KCNMA1: variants seen among roughly 807,000 people sequenced by gnomAD.
The protein encoded by KCNMA1 is potassium calcium-activated channel subfamily M alpha 1, also known as Calcium-activated potassium channel subunit alpha-1.
KCNMA1 carries 29 observed loss-of-function variants against 140.0 expected under a neutral mutation model. The observed-to-expected ratio is 0.21, with a 90% confidence interval of 0.15 to 0.28. The LOEUF (loss-of-function observed/expected upper bound fraction) is 0.28. Among genes scored for constraint, KCNMA1 ranks in the 10% least tolerant of loss-of-function variants. The probability of loss-of-function intolerance (pLI) is 1.00; values close to 1 mark genes in which losing one functional copy is unlikely to be tolerated. For missense variants in KCNMA1, 880 were observed against 1,602.2 expected (o/e 0.55, Z 7.70); for synonymous variants, 612 against 611.9 (o/e 1.00, Z 0.00).
intron 5 of KCNMA1, among the ~76,000 whole-genome samples, chr10:77,181,169 G>T (rs1343636400): frequency 1.3e-5 from 2 of 152,180 alleles, no homozygotes; most frequent in Admixed American, 6.5e-5. Flanking sequence ...GATTCATGAA[G>T]TGTGAGGACT....
At chr10:77,098,504 G>A in intron 9 of KCNMA1, among the ~76,000 whole-genome samples, 1 of 151,622 alleles carries the variant, frequency 6.6e-6, no homozygotes, top group East Asian at 1.9e-4. Context: ...CTGCATCTCT[G>A]GTTCTTTTCT....
At chr10:77,409,813 T>C (rs990796892) in intron 1 of KCNMA1, among the ~76,000 whole-genome samples, 1 of 152,124 alleles carries the variant, frequency 6.6e-6, no homozygotes, top group Non-Finnish European at 1.5e-5. Context: ...GGAAGAACTA[T>C]GAAAATCAAA....
chr10:77,618,222 C>T (rs1318275806), intron 1 of KCNMA1, among the ~76,000 whole-genome samples: 7 of 152,212 alleles, frequency 4.6e-5, no homozygotes, highest in African/African-American at 1.7e-4. Context: ...GCACCCTCCA[C>T]ACACACCATC....
intron 5 of KCNMA1, among the ~76,000 whole-genome samples, chr10:77,122,431 C>G (rs1028007905): frequency 6.6e-6 from 1 of 151,888 alleles, no homozygotes; most frequent in Non-Finnish European, 1.5e-5. Flanking sequence ...AAAAGGCTCA[C>G]GGCCAAAAGC....
Position 76,885,872 on chromosome 10 carries a change from A to G in KCNMA1, c.*1394T>C, listed in dbSNP as rs2036666642. On this transcript the variant is annotated 3_prime_UTR_variant, in exon 28 of 28. Coordinates refer to ENST00000286628, the MANE Select transcript of KCNMA1 (RefSeq NM_001161352.2). The stretch of plus-strand genomic sequence containing the variant: ...AAAACAAAAGAAGAAAAAAATAACT[A>G]TACCAAAATGTGTTTGGCTCACTGT... The G allele has an allele frequency of 1.0e-6, 1 of 985,186 alleles. No individual in the cohort carries two copies. Among genetic ancestry groups the G allele is most frequent in the Non-Finnish European group, 1.2e-6 (1 of 829,678 alleles). The allele number at this position is 985,186 out of a possible 1,614,324, so 61.0% of individuals were successfully genotyped here. A position where few individuals can be genotyped will look rare whatever the true frequency, so the allele number is the denominator to read the frequency against.
chr10:77,285,692 C>A (rs201903735), intron 2 of KCNMA1, among the ~76,000 whole-genome samples: 3 of 152,036 alleles, frequency 2.0e-5, no homozygotes, highest in African/African-American at 7.2e-5. Context: ...TGGGTGTTAC[C>A]ACATGGCATA....
chr10:77,121,375 A>AG (rs2097589051), intron 5 of KCNMA1, among the ~76,000 whole-genome samples: 1 of 152,242 alleles, frequency 6.6e-6, no homozygotes, highest in Non-Finnish European at 1.5e-5. Context: ...GTTATCTGGC[A>AG]GGATTTTGTC....
chr10:77,317,109 C>A (rs2154350861), intron 2 of KCNMA1, among the ~76,000 whole-genome samples: 1 of 152,278 alleles, frequency 6.6e-6, no homozygotes, highest in Admixed American at 6.5e-5. Flanking sequence ...AGTGCCTTCC[C>A]AATCACCCCC....
chr10:77,575,353 C>T (rs564472648), intron 1 of KCNMA1, among the ~76,000 whole-genome samples: 1 of 152,296 alleles, frequency 6.6e-6, no homozygotes, highest in East Asian at 1.9e-4. Context: ...TAGCGATTTC[C>T]TTTTCCAGAG....
intron 3 of KCNMA1, among the ~76,000 whole-genome samples, chr10:77,216,239 G>T (rs937489205): frequency 6.6e-6 from 1 of 152,096 alleles, no homozygotes; most frequent in Non-Finnish European, 1.5e-5. Flanking sequence ...TCTTTCGGGG[G>T]TGTTGAAAAT....
At chr10:77,310,394 C>T (rs2078970214) in intron 2 of KCNMA1, among the ~76,000 whole-genome samples, 1 of 152,150 alleles carries the variant, frequency 6.6e-6, no homozygotes, top group Admixed American at 6.5e-5. Context: ...CTAGTCAGCC[C>T]AAAGCCACAC....
chr10:77,383,803 C>T (rs568418279), intron 2 of KCNMA1, among the ~76,000 whole-genome samples: 2 of 152,274 alleles, frequency 1.3e-5, no homozygotes, highest in East Asian at 3.9e-4. Context: ...AAGCGATTCT[C>T]CTGCCTCACC....
intron 15 of KCNMA1, chr10:77,039,284 T>C: frequency 1.7e-6 from 1 of 583,666 alleles, no homozygotes; most frequent in East Asian, 2.9e-5. Flanking sequence ...TAAGTTAGCA[T>C]AAATGATGAA....
At chr10:77,212,302 G>A (rs867576404) in intron 3 of KCNMA1, among the ~76,000 whole-genome samples, 56 of 152,164 alleles carry the variant, frequency 3.7e-4, no homozygotes, top group Admixed American at 1.2e-3. Context: ...TTGTGGTAAC[G>A]GGAATGGAGC....
intron 10 of KCNMA1, among the ~76,000 whole-genome samples, chr10:77,089,099 G>T (rs924299305): frequency 6.6e-6 from 1 of 152,178 alleles, no homozygotes; most frequent in African/African-American, 2.4e-5. Context: ...GGAACCTGTG[G>T]GTACCTGCTC....
intron 5 of KCNMA1, among the ~76,000 whole-genome samples, chr10:77,124,539 T>TA (rs201221466): frequency 0.011 from 1,738 of 152,286 alleles, 31 homozygotes; most frequent in African/African-American, 0.04. Context: ...GAGAATCATT[T>TA]ATTTTTCCCA....
chr10:77,435,745 A>C (rs915717676), intron 1 of KCNMA1, among the ~76,000 whole-genome samples: 3 of 152,228 alleles, frequency 2.0e-5, no homozygotes, highest in African/African-American at 7.2e-5. Flanking sequence ...TAAACAACAC[A>C]GGTCTGTTGA....
chr10:77,203,410 TGG>T (rs2043046461), intron 3 of KCNMA1, among the ~76,000 whole-genome samples: 1 of 152,162 alleles, frequency 6.6e-6, no homozygotes, highest in Non-Finnish European at 1.5e-5. Context: ...CTCAACTCAG[TGG>T]CTGCCTCCTC....
intron 2 of KCNMA1, among the ~76,000 whole-genome samples, chr10:77,376,871 G>A (rs779415201): frequency 7.2e-5 from 11 of 152,160 alleles, no homozygotes; most frequent in Non-Finnish European, 1.6e-4. Context: ...CCAAGAGGCA[G>A]AGGTTGTAGT....
Sources: allele counts gnomAD v4.1 joint callset (sites outside exome capture counted in the v4.1 genomes callset), GRCh38; gene constraint gnomAD v4.1.1; transcripts MANE v1.5; gene names NCBI Gene and HGNC (gene_info 2026-07-23, HGNC 2026-07-21).